FBXO42: variants seen among roughly 807,000 people sequenced by gnomAD.
FBXO42 encodes F-box only protein 42.
FBXO42 carries 12 observed loss-of-function variants against 71.7 expected under a neutral mutation model. The observed-to-expected ratio is 0.17, with a 90% CI of 0.11 to 0.27. The LOEUF (loss-of-function observed/expected upper bound fraction) is 0.27, where lower values mean the gene tolerates loss of function less well. FBXO42 is among the 10% of genes least tolerant of loss of function. The pLI is 1.00. For missense variants in FBXO42, 707 were observed against 911.9 expected (o/e 0.78, Z 2.89); for synonymous variants, 325 against 327.5 (o/e 0.99, Z 0.08).
rs1254057973 is a variant in FBXO42, at chr1:16,248,323, C to A, written c.*2347G>T. 1.3e-5 allele frequency: 2 copies of A among 152,174 alleles called. No individual in the cohort carries two copies. The allele number at this position is 152,174 out of a possible 1,614,324, so 9.4% of individuals were successfully genotyped here. A position where few individuals can be genotyped will look rare whatever the true frequency, so the allele number is the denominator to read the frequency against. ...ATGGGGGCAGACAAGGCAGATTTTTCTTAAAAAGCTGTAAGCAAACAGTCT... is the reference window on the plus strand; with the variant it reads ...ATGGGGGCAGACAAGGCAGATTTTTATTAAAAAGCTGTAAGCAAACAGTCT... On this transcript the variant is annotated 3_prime_UTR_variant, in exon 10 of 10. Transcript: ENST00000375592.
Position 16,285,022 on chromosome 1 carries a change from T to C in FBXO42, c.502+9761A>G, listed in dbSNP as rs544233528. ...TTAGCCGGGCGTGGTGGCACGTGCC[T>C]GTAATCCCAGCTACTCAGGAGGCTG... On this transcript the variant is annotated intron_variant, in intron 4 of 9. Transcript: ENST00000375592. Among the ~76,000 whole-genome samples the C allele has an allele frequency of 2.6e-5, 4 of 151,806 alleles. No individual in the cohort carries two copies. In the East Asian group the frequency reaches 7.9e-4, roughly 30 times the overall value.
rs1356131025 is a variant in FBXO42, at chr1:16,269,140, T to C, written c.503-12381A>G. ...TTTTTTGTGACAGAGTCTCTGTCTC[T>C]GTCACCCAGACTGGAGTGCAGTGGT... is the stretch of plus-strand genomic sequence containing the variant. On this transcript the variant is annotated intron_variant, in intron 4 of 9. Coordinates refer to ENST00000375592, the MANE Select transcript of FBXO42 (RefSeq NM_018994.3). 6.8e-5 allele frequency among the ~76,000 whole-genome samples: 10 copies of C among 146,692 alleles called. No individual in the cohort carries two copies. In the South Asian group the frequency reaches 1.9e-3, roughly 28 times the overall value.
Position 16,250,922 on chromosome 1 carries a change from G to A in FBXO42, c.1902C>T (p.Pro634=). The A allele has an allele frequency of 6.2e-7, 1 of 1,614,132 alleles. No individual in the cohort carries two copies. Among genetic ancestry groups the A allele is most frequent in the Non-Finnish European group, 8.5e-7 (1 of 1,180,034 alleles). The change falls in exon 10 of 10, where the codon CCC becomes CCT. Residue 634 remains proline (P), a synonymous_variant. Coordinates refer to ENST00000375592, the MANE Select transcript of FBXO42 (RefSeq NM_018994.3). This position sits in a 1 kb window ranked among gnomAD's most constrained non-coding sequence, Gnocchi z 4.7. ...GCTTGCAGTTCATACTCTGGTATAGGGGTTTGCCAACATTTAGGGACTGTG... is the reference window on the plus strand; with the variant it reads ...GCTTGCAGTTCATACTCTGGTATAGAGGTTTGCCAACATTTAGGGACTGTG... ...HPPQSLNVGK[P]LYQSMNCKPM...
At chr1:16,277,664 G>A (rs993183548) in intron 4 of FBXO42, among the ~76,000 whole-genome samples, 2 of 149,480 alleles carry the variant, frequency 1.3e-5, no homozygotes, top group African/African-American at 5.0e-5. Context: ...GGCGGAGGTT[G>A]CAATGAGCCG....
chr1:16,274,465 T>G (rs1284200379), intron 4 of FBXO42, among the ~76,000 whole-genome samples: 1 of 151,804 alleles, frequency 6.6e-6, no homozygotes, highest in African/African-American at 2.4e-5. Context: ...CGTATCTTGA[T>G]CTAGGTAATG....
intron 4 of FBXO42, among the ~76,000 whole-genome samples, chr1:16,262,162 T>C (rs1194313632): frequency 6.6e-5 from 10 of 152,336 alleles, no homozygotes; most frequent in Middle Eastern, 3.4e-3. Context: ...TCTAAAAATC[T>C]ACATATTTCA....
At chr1:16,285,574 T>A (rs2082013386) in intron 4 of FBXO42, among the ~76,000 whole-genome samples, 1 of 152,146 alleles carries the variant, frequency 6.6e-6, no homozygotes, top group African/African-American at 2.4e-5. Flanking sequence ...GCCCATCCTG[T>A]CTTCCCATTT....
intron 4 of FBXO42, among the ~76,000 whole-genome samples, chr1:16,259,840 G>A (rs1387591413): frequency 6.6e-6 from 1 of 151,238 alleles, no homozygotes; most frequent in Non-Finnish European, 1.5e-5. Context: ...CATATTCATA[G>A]AATTTTTAAA....
intron 2 of FBXO42, among the ~76,000 whole-genome samples, chr1:16,310,720 C>A (rs1446797784): frequency 6.6e-6 from 1 of 152,030 alleles, no homozygotes; most frequent in Admixed American, 6.6e-5. Context: ...TAGGGCCAGG[C>A]GCGGTGGCTC....
At chr1:16,301,850 CT>C (rs1367375450) in intron 3 of FBXO42, among the ~76,000 whole-genome samples, 1 of 151,988 alleles carries the variant, frequency 6.6e-6, no homozygotes, top group Non-Finnish European at 1.5e-5. Context: ...CCAAATTGGT[CT>C]CAAACACCTG....
intron 5 of FBXO42, among the ~76,000 whole-genome samples, chr1:16,256,362 G>A (rs902921355): frequency 1.1e-4 from 16 of 152,136 alleles, no homozygotes; most frequent in African/African-American, 2.9e-4. Context: ...CTTGAAAGAG[G>A]AATAAATCTC....
intron 5 of FBXO42, 25 bp downstream of exon 5, chr1:16,256,581 T>C (rs770652643): frequency 6.2e-7 from 1 of 1,609,336 alleles, no homozygotes; most frequent in Non-Finnish European, 8.5e-7. Context: ...CTTCCAGATT[T>C]AAAGAGTTTA....
intron 4 of FBXO42, chr1:16,292,832 T>C (rs1224323407): frequency 6.6e-6 from 1 of 152,180 alleles, no homozygotes; most frequent in Non-Finnish European, 1.5e-5. Context: ...AAATAAGACC[T>C]GTACAAGATC....
At chr1:16,257,378 A>G (rs1376844495) in intron 4 of FBXO42, among the ~76,000 whole-genome samples, 1 of 152,194 alleles carries the variant, frequency 6.6e-6, no homozygotes, top group Non-Finnish European at 1.5e-5. Context: ...AGCCTAGCAC[A>G]AATGGGGCAG....
intron 1 of FBXO42, among the ~76,000 whole-genome samples, chr1:16,329,483 C>T (rs994875437): frequency 6.6e-6 from 1 of 151,846 alleles, no homozygotes; most frequent in Admixed American, 6.6e-5. Context: ...ACTTGGGAGG[C>T]TGAGGCAAGA....
chr1:16,309,580 C>T (rs1422317184), intron 2 of FBXO42, among the ~76,000 whole-genome samples: 2 of 152,054 alleles, frequency 1.3e-5, no homozygotes, highest in Non-Finnish European at 1.5e-5. Flanking sequence ...TTTTTATACA[C>T]AGTACCAAAG....
chr1:16,283,171 C>T (rs1386884783), intron 4 of FBXO42, among the ~76,000 whole-genome samples: 2 of 151,984 alleles, frequency 1.3e-5, no homozygotes, highest in African/African-American at 4.8e-5. Context: ...AAAATTGAGG[C>T]CCAGAGAATG....
intron 4 of FBXO42, among the ~76,000 whole-genome samples, chr1:16,278,836 T>C (rs2081931498): frequency 6.6e-6 from 1 of 152,110 alleles, no homozygotes; most frequent in African/African-American, 2.4e-5. Flanking sequence ...TGGAATGTAA[T>C]GGCGCAATCT....
At chr1:16,285,579 C>A (rs1444770363) in intron 4 of FBXO42, among the ~76,000 whole-genome samples, 1 of 152,084 alleles carries the variant, frequency 6.6e-6, no homozygotes, top group Non-Finnish European at 1.5e-5. Flanking sequence ...TCCTGTCTTC[C>A]CATTTTCTAA....
Sources: gnomAD v4.1 joint callset for allele counts (sites outside exome capture counted in the v4.1 genomes callset) on GRCh38, gnomAD v4.1.1 for gene constraint, Gnocchi (gnomAD v3.1) non-coding constraint, MANE v1.5 for transcripts, NCBI Gene and HGNC (gene_info 2026-07-23, HGNC 2026-07-21) for gene names.